The following ADRA1A variants were observed in gnomAD, a reference collection of about 807,000 sequenced individuals.
The protein encoded by ADRA1A is alpha-1A adrenergic receptor.
ADRA1A carries 31 observed loss-of-function variants against 29.6 expected under a neutral mutation model. The observed-to-expected ratio is 1.05, with a 90% confidence interval of 0.79 to 1.41. The LOEUF (loss-of-function observed/expected upper bound fraction) is 1.41. Among genes scored for constraint, ADRA1A ranks in the 40% most tolerant of loss-of-function variants. The pLI is 0.00. For synonymous variants in ADRA1A, 311 were observed against 254.3 expected, an observed-to-expected ratio of 1.22 and a Z score of -2.12; for missense variants, 619 against 601.1, an observed-to-expected ratio of 1.03 and a Z score of -0.31.
At chr8:26,799,074 G>A (rs1808390291) in intron 2 of ADRA1A, among the ~76,000 whole-genome samples, 2 of 152,096 alleles carry the variant, frequency 1.3e-5, no homozygotes, top group South Asian at 4.1e-4. Flanking sequence ...TGTCAAGATT[G>A]CATTTGTTTA....
downstream of ADRA1A, among the ~76,000 whole-genome samples, chr8:26,752,897 C>G (rs1430222315): frequency 6.6e-6 from 1 of 152,178 alleles, no homozygotes; most frequent in Non-Finnish European, 1.5e-5. Context: ...AGCCCAGAAG[C>G]CCTCTAATGA....
At chr8:26,800,911 T>G (rs1236001362) in intron 2 of ADRA1A, among the ~76,000 whole-genome samples, 2 of 152,078 alleles carry the variant, frequency 1.3e-5, no homozygotes, top group South Asian at 4.1e-4. Context: ...CAACAACATA[T>G]TAAAAAGATT....
At chr8:26,760,902 C>T (rs1805473752), downstream of ADRA1A, among the ~76,000 whole-genome samples, 1 of 152,192 alleles carries the variant, frequency 6.6e-6, no homozygotes. Context: ...CAACTTGAGC[C>T]TTTCTGGGTG....
At chr8:26,759,794 T>A (rs1264716195) in intron 2 of ADRA1A, among the ~76,000 whole-genome samples, 1 of 152,230 alleles carries the variant, frequency 6.6e-6, no homozygotes, top group Non-Finnish European at 1.5e-5. Flanking sequence ...TTTTTAAAGA[T>A]AAATCAATAA....
At chr8:26,767,710 G>T (rs1209735466), downstream of ADRA1A, among the ~76,000 whole-genome samples, 2 of 152,152 alleles carry the variant, frequency 1.3e-5, no homozygotes, top group Admixed American at 6.5e-5. Flanking sequence ...TGTCTGTAAA[G>T]GTGTTTAAAG....
Position 26,863,012 on chromosome 8 carries a change from TG to T in ADRA1A, c.883+1074del, listed in dbSNP as rs1457810039. On this transcript the variant is annotated intron_variant, in intron 2 of 2. Transcript: ENST00000380573. ...CTTAGGAAAATGTCTGGAACATAAG[TG>T]GCACAAAAAAATAATAGTTGCTATT... is the stretch of plus-strand genomic sequence containing the variant. Among the ~76,000 whole-genome samples the T allele has an allele frequency of 3.3e-5, 5 of 151,500 alleles. No homozygotes were observed. In the East Asian group the frequency reaches 9.6e-4, roughly 29 times the overall value.
At chr8:26,751,867 G>A (rs1804937404), downstream of ADRA1A, among the ~76,000 whole-genome samples, 1 of 152,328 alleles carries the variant, frequency 6.6e-6, no homozygotes, top group East Asian at 1.9e-4. Flanking sequence ...TGAACACTCA[G>A]GTTGGCTTAG....
At chr8:26,862,220 C>T (rs1003930994) in intron 2 of ADRA1A, among the ~76,000 whole-genome samples, 2 of 152,134 alleles carry the variant, frequency 1.3e-5, no homozygotes, top group East Asian at 1.9e-4. Context: ...TCTCTGTACT[C>T]GCTGCTCCCT....
At chr8:26,859,670 A>AAGAACCT (rs1216160491) in intron 2 of ADRA1A, among the ~76,000 whole-genome samples, 4 of 152,144 alleles carry the variant, frequency 2.6e-5, no homozygotes, top group Non-Finnish European at 5.9e-5. Context: ...AGAAATTGAG[A>AAGAACCT]GCCACAGACT....
Position 26,804,153 on chromosome 8 carries a change from T to G in ADRA1A, c.884-33487A>C, listed in dbSNP as rs147103519. 3.1e-4 allele frequency among the ~76,000 whole-genome samples: 47 copies of G among 151,960 alleles called. 1 individual carries two copies. The highest frequency in any genetic ancestry group is 1.1e-3 in the African/African-American group (46 of 41,472). ...TCCAGGCTGGTCTCAAACTCAAGGG[T>G]CAAGTGATCCTCCTGCCTTGGCCCC... On this transcript the variant is annotated intron_variant, in intron 2 of 2. Transcript: ENST00000380573.
chr8:26,835,444 G>T (rs1811277913), intron 2 of ADRA1A, among the ~76,000 whole-genome samples: 1 of 152,226 alleles, frequency 6.6e-6, no homozygotes, highest in South Asian at 2.1e-4. Context: ...CGTAGAGCTG[G>T]GGAGGCCTCA....
intron 2 of ADRA1A, among the ~76,000 whole-genome samples, chr8:26,758,155 A>T (rs951333886): frequency 7.9e-5 from 12 of 152,240 alleles, no homozygotes; most frequent in East Asian, 5.8e-4. Flanking sequence ...GGAATAACTG[A>T]GAGTTGGGAT....
chr8:26,761,768 A>C (rs769563258), downstream of ADRA1A, among the ~76,000 whole-genome samples: 15 of 152,220 alleles, frequency 9.9e-5, no homozygotes, highest in Non-Finnish European at 1.8e-4. Flanking sequence ...CTGCAAATGC[A>C]GGAGCATACT....
intron 2 of ADRA1A, among the ~76,000 whole-genome samples, chr8:26,833,227 G>A (rs1367284293): frequency 3.9e-5 from 6 of 152,106 alleles, no homozygotes; most frequent in Admixed American, 1.3e-4. Flanking sequence ...CTCAGCCTGG[G>A]CAGTTACAGC....
chr8:26,806,497 T>A lies in ADRA1A; in HGVS notation c.884-35831A>T, dbSNP rs1173591209. On this transcript the variant is annotated intron_variant, in intron 2 of 2. Transcript: ENST00000380573. The surrounding 1 kb of genome is among the most constrained non-coding windows in gnomAD (Gnocchi z 4.6). The stretch of plus-strand genomic sequence containing the variant: ...GTGCAATGCCAGAGCCTGGTAAAAA[T>A]AGAAACTCCAGTGTCCAGACTCCTC... Among the ~76,000 whole-genome samples the A allele has an allele frequency of 6.6e-6, 1 of 151,964 alleles. No homozygotes were observed. The highest frequency in any genetic ancestry group is 2.4e-5 in the African/African-American group (1 of 41,372).
rs72609959 is a variant in ADRA1A, at chr8:26,805,502, G to A, written c.884-34836C>T. Among the ~76,000 whole-genome samples the A allele has an allele frequency of 0.032, 4,847 of 152,202 alleles. 100 individuals are homozygous for A. Among genetic ancestry groups the A allele is most frequent in the Admixed American group, 0.062 (947 of 15,286 alleles). ...TGTCCACTCTATGCCCAGTACTTTCGAAACGCTTTCCATATATTAGCTCAT... is the reference window on the plus strand; with the variant it reads ...TGTCCACTCTATGCCCAGTACTTTCAAAACGCTTTCCATATATTAGCTCAT... On this transcript the variant is annotated intron_variant, in intron 2 of 2. Coordinates refer to ENST00000380573, the MANE Select transcript of ADRA1A (RefSeq NM_000680.4). The surrounding 1 kb of genome is among the most constrained non-coding windows in gnomAD (Gnocchi z 4.8).
At chr8:26,842,280 T>G (rs907456365) in intron 2 of ADRA1A, among the ~76,000 whole-genome samples, 1 of 152,220 alleles carries the variant, frequency 6.6e-6, no homozygotes, top group Non-Finnish European at 1.5e-5. Context: ...ATTTATTACA[T>G]GTGGCTAGAG....
intron 2 of ADRA1A, among the ~76,000 whole-genome samples, chr8:26,863,500 A>G (rs923522127): frequency 2.6e-5 from 4 of 152,306 alleles, no homozygotes; most frequent in African/African-American, 9.6e-5. Flanking sequence ...ATTGGTTTGG[A>G]CATAAAATCA....
chr8:26,777,731 A>G (rs1021821853), intron 2 of ADRA1A, among the ~76,000 whole-genome samples: 3 of 152,222 alleles, frequency 2.0e-5, no homozygotes, highest in African/African-American at 7.2e-5. Context: ...GAATGGAATT[A>G]GCTCTCCTCT....
Sources: gnomAD v4.1 joint callset for allele counts (sites outside exome capture counted in the v4.1 genomes callset) on GRCh38, gnomAD v4.1.1 for gene constraint, Gnocchi (gnomAD v3.1) non-coding constraint, MANE v1.5 for transcripts, NCBI Gene and HGNC (gene_info 2026-07-23, HGNC 2026-07-21) for gene names.